GTF2A1: variants seen among roughly 807,000 people sequenced by gnomAD.
The protein encoded by GTF2A1 is transcription initiation factor IIA subunit 1.
GTF2A1 carries 12 observed loss-of-function variants against 54.1 expected under a neutral mutation model. The ratio of observed to expected loss-of-function variants is 0.22; its 90% CI spans 0.14 to 0.36. The LOEUF (loss-of-function observed/expected upper bound fraction) is 0.36, where lower values mean the gene tolerates loss of function less well. Ranked by LOEUF, GTF2A1 falls within the 10% of genes least tolerant of loss-of-function variation. GTF2A1 has a pLI of 1.00. For missense variants in GTF2A1, 335 were observed against 442.2 expected (o/e 0.76, Z 2.17); for synonymous variants, 145 against 152.0 (o/e 0.95, Z 0.34).
intron 2 of GTF2A1, among the ~76,000 whole-genome samples, chr14:81,207,155 C>CTACG (rs1423537166): frequency 2.8e-5 from 4 of 144,160 alleles, no homozygotes; most frequent in African/African-American, 1.1e-4. Flanking sequence ...ACCTACCTAC[C>CTACG]TACCTACCTA....
intron 7 of GTF2A1, among the ~76,000 whole-genome samples, chr14:81,190,161 G>A (rs1048418538): frequency 1.3e-5 from 2 of 151,438 alleles, no homozygotes; most frequent in African/African-American, 2.4e-5. Context: ...TTATCAAAAC[G>A]GTCTCAAACA....
chr14:81,188,690 T>C (rs1209351287), intron 7 of GTF2A1, among the ~76,000 whole-genome samples: 4 of 150,046 alleles, frequency 2.7e-5, no homozygotes, highest in African/African-American at 9.8e-5. Flanking sequence ...GGCAGGAGAA[T>C]GGTGTGAACC....
rs1382507107 is a variant in GTF2A1 at position 81,212,618 on chromosome 14, T to G, written c.132+3795A>C. On this transcript the variant is annotated intron_variant, in intron 2 of 8. Coordinates refer to ENST00000553612, the MANE Select transcript of GTF2A1 (RefSeq NM_015859.4). ...GCCTTATACAAGCTTTTGATAAGTT[T>G]GTAAAATGGCCCCAGAAAGTAGGGA... is the stretch of plus-strand genomic sequence containing the variant. 2.6e-5 allele frequency among the ~76,000 whole-genome samples: 4 copies of G among 152,318 alleles called. No homozygotes were observed. The East Asian group carries it at 7.7e-4, about 29-fold the overall frequency.
chr14:81,215,981 C>T lies in GTF2A1; in HGVS notation c.132+432G>A, dbSNP rs549332833. Among the ~76,000 whole-genome samples, 5 of 152,306 alleles carry T rather than the reference C, an allele frequency of 3.3e-5. No individual in the cohort carries two copies. The South Asian group carries it at 1.0e-3, about 32-fold the overall frequency. On this transcript the variant is annotated intron_variant, in intron 2 of 8. Transcript: ENST00000553612. ...GTTGCAGTAAGTCCAGATTGTGCCA[C>T]TGCACTCCAGCCTGGGCGACAGAGC...
At chr14:81,211,873 CTTTATATATATATATATA>C (rs1257666404) in intron 2 of GTF2A1, among the ~76,000 whole-genome samples, 13 of 99,248 alleles carry the variant, frequency 1.3e-4, no homozygotes, top group African/African-American at 4.8e-4. Context: ...GTATCAAGTA[CTTTATATATATATATATA>C]TATATATATA....
intron 2 of GTF2A1, among the ~76,000 whole-genome samples, chr14:81,215,346 T>G (rs1359724406): frequency 6.6e-6 from 1 of 152,226 alleles, no homozygotes; most frequent in African/African-American, 2.4e-5. Flanking sequence ...TCTCACAGAA[T>G]ACAACTTTTA....
intron 2 of GTF2A1, among the ~76,000 whole-genome samples, chr14:81,210,454 C>CAGG (rs1893338634): frequency 6.6e-6 from 1 of 151,936 alleles, no homozygotes; most frequent in Admixed American, 6.6e-5. Context: ...ATCACGAGGG[C>CAGG]AGGAGTTCAA....
At chr14:81,181,805 G>T (rs1472087385) in intron 8 of GTF2A1, among the ~76,000 whole-genome samples, 1 of 152,128 alleles carries the variant, frequency 6.6e-6, no homozygotes, top group Admixed American at 6.5e-5. Flanking sequence ...GCCTCCCAAA[G>T]TGCTGGGATT....
intron 2 of GTF2A1, among the ~76,000 whole-genome samples, chr14:81,208,630 C>T (rs1893294386): frequency 6.6e-6 from 1 of 152,186 alleles, no homozygotes; most frequent in African/African-American, 2.4e-5. Context: ...AAGCCGCACT[C>T]AATGCCAGTG....
At chr14:81,188,657 G>A (rs1595210509) in intron 7 of GTF2A1, among the ~76,000 whole-genome samples, 2 of 151,278 alleles carry the variant, frequency 1.3e-5, no homozygotes, top group Admixed American at 1.3e-4. Flanking sequence ...GGCACCTGTA[G>A]TCCCAGCTAC....
At position 81,175,741 on chromosome 14, in the gene GTF2A1, A is replaced by G. The variant is rs1566847034; in HGVS notation, c.*4482T>C. ...GGTTTGACTAAACAGAGAAATAACAATGTTTTTATCCTAAGTAATCTATAC... is the reference window on the plus strand; with the variant it reads ...GGTTTGACTAAACAGAGAAATAACAGTGTTTTTATCCTAAGTAATCTATAC... On this transcript the variant is annotated 3_prime_UTR_variant, in exon 9 of 9. Transcript: ENST00000553612. 1 of 152,164 alleles carries G rather than the reference A, an allele frequency of 6.6e-6. No individual in the cohort carries two copies. The highest frequency in any genetic ancestry group is 1.5e-5 in the Non-Finnish European group (1 of 68,014). The allele number at this position is 152,164 out of a possible 1,614,324, so 9.4% of individuals were successfully genotyped here. A position where few individuals can be genotyped will look rare whatever the true frequency, so the allele number is the denominator to read the frequency against.
intron 7 of GTF2A1, 45 bp downstream of exon 7, chr14:81,192,474 G>A (rs1892895783): frequency 1.4e-6 from 2 of 1,423,346 alleles, no homozygotes; most frequent in African/African-American, 2.9e-5. Context: ...ACTAAAAAAG[G>A]AAATAATCAA....
At chr14:81,190,075 C>G (rs1458070763) in intron 7 of GTF2A1, among the ~76,000 whole-genome samples, 4 of 151,796 alleles carry the variant, frequency 2.6e-5, no homozygotes, top group African/African-American at 9.7e-5. Flanking sequence ...ATCAAAAAGA[C>G]AATATCATGA....
At chr14:81,203,150 G>A (rs1214003141) in intron 3 of GTF2A1, among the ~76,000 whole-genome samples, 1 of 152,078 alleles carries the variant, frequency 6.6e-6, no homozygotes, top group Non-Finnish European at 1.5e-5. Flanking sequence ...AGCCTTTTCT[G>A]GGCTCAGATT....
chr14:81,197,219 T>C, intron 5 of GTF2A1, 190 bp downstream of exon 5: 1 of 491,436 alleles, frequency 2.0e-6, no homozygotes, highest in Non-Finnish European at 3.7e-6. Context: ...TTTCATCTTC[T>C]TTACTGTATC....
At chr14:81,197,215 C>T (rs1893010923) in intron 5 of GTF2A1, 194 bp downstream of exon 5, 2 of 474,200 alleles carry the variant, frequency 4.2e-6, no homozygotes, top group Non-Finnish European at 3.9e-6. Context: ...CAATTTTCAT[C>T]TTCTTTACTG....
intron 2 of GTF2A1, among the ~76,000 whole-genome samples, 168 bp downstream of exon 2, chr14:81,216,245 G>A (rs1893486447): frequency 6.6e-6 from 1 of 152,130 alleles, no homozygotes; most frequent in Admixed American, 6.5e-5. Flanking sequence ...TATAAATGTA[G>A]CTTGCCTAAG....
intron 2 of GTF2A1, 165 bp from the exon 3 acceptor site, chr14:81,204,269 A>G: frequency 1.3e-6 from 1 of 757,546 alleles, no homozygotes; most frequent in Non-Finnish European, 2.4e-6. Context: ...AATAACAAAA[A>G]CAAAATTTTA....
At chr14:81,183,980 A>C (rs994067702) in intron 8 of GTF2A1, among the ~76,000 whole-genome samples, 2 of 152,128 alleles carry the variant, frequency 1.3e-5, no homozygotes, top group Admixed American at 6.5e-5. Flanking sequence ...CCCTCCTCCA[A>C]TCTTCAGAGC....
Sources: gnomAD v4.1 joint callset for allele counts (sites outside exome capture counted in the v4.1 genomes callset) on GRCh38, gnomAD v4.1.1 for gene constraint, MANE v1.5 for transcripts, NCBI Gene and HGNC (gene_info 2026-07-23, HGNC 2026-07-21) for gene names.